The following CCDC197 variants were observed in gnomAD, a reference collection of about 807,000 sequenced individuals.
The protein encoded by CCDC197 is coiled-coil domain containing 197.
A neutral mutation model predicts 13.4 loss-of-function variants in CCDC197; 24 were observed. The observed-to-expected ratio is 1.80, with a 90% CI of 1.30 to 2.53. CCDC197 has a LOEUF of 2.53. CCDC197 is among the 30% of genes most tolerant of loss of function. The pLI, the probability that CCDC197 is intolerant of heterozygous loss-of-function variation, is 0.00. For missense variants in CCDC197, 255 were observed against 148.8 expected, an observed-to-expected ratio of 1.71 and a Z score of -3.71; for synonymous variants, 99 against 55.5, an observed-to-expected ratio of 1.78 and a Z score of -3.48.
intron 1 of CCDC197, among the ~76,000 whole-genome samples, chr14:93,991,477 C>T (rs960212573): frequency 1.3e-5 from 2 of 152,190 alleles, no homozygotes; most frequent in East Asian, 1.9e-4. Context: ...GTGCGAGAAT[C>T]GTGACTCAAA....
intron 6 of CCDC197, among the ~76,000 whole-genome samples, chr14:94,005,505 G>A (rs1020840685): frequency 3.9e-5 from 6 of 151,994 alleles, no homozygotes; most frequent in East Asian, 1.9e-4. Flanking sequence ...TTTCCTCACC[G>A]CCCCCATCAG....
Position 94,002,428 on chromosome 14 carries a change from ACAG to A in CCDC197, c.367-794_367-792del, listed in dbSNP as rs1890549245. On this transcript the variant is annotated intron_variant, in intron 4 of 6. Coordinates refer to ENST00000636493, the MANE Select transcript of CCDC197 (RefSeq NM_001351596.2). Reference sequence around the variant, plus strand: ...CTCTGCCTTCCGAGTAGCTGGGATTACAGGCGTGTGCCACCACACCTGGCCTGT... The same window carrying A: ...CTCTGCCTTCCGAGTAGCTGGGATTAGCGTGTGCCACCACACCTGGCCTGT... Among the ~76,000 whole-genome samples, 2 of 152,100 alleles carry A rather than the reference ACAG, an allele frequency of 1.3e-5. 1 individual carries two copies. The highest frequency in any genetic ancestry group is 1.3e-4 in the Admixed American group (2 of 15,268).
chr14:93,992,073 G>A lies in CCDC197; in HGVS notation c.-107+4677G>A, dbSNP rs149022253. Among the ~76,000 whole-genome samples, 82 of 152,346 alleles carry A rather than the reference G, an allele frequency of 5.4e-4. 1 individual carries two copies. The East Asian group carries it at 0.012, about 23-fold the overall frequency. On this transcript the variant is annotated intron_variant, in intron 1 of 7. Transcript: ENST00000640978. ...TAGCTTGAAATCAGCCATGGCGGGC[G>A]GATTGACACCACAGAAACTGATGAA... is the stretch of plus-strand genomic sequence containing the variant.
chr14:93,988,095 A>C (rs1280406449), intron 1 of CCDC197, among the ~76,000 whole-genome samples: 1 of 16,246 alleles, frequency 6.2e-5, no homozygotes. Flanking sequence ...GATGGGAGGA[A>C]GGGGGTGGAA....
At chr14:93,993,474 G>T (rs1006792342), upstream of CCDC197, among the ~76,000 whole-genome samples, 2 of 152,208 alleles carry the variant, frequency 1.3e-5, no homozygotes, top group African/African-American at 4.8e-5. Flanking sequence ...TGCCTTTCAG[G>T]AAACTGAAAC....
At chr14:94,011,363 G>A (rs8010725), downstream of CCDC197, among the ~76,000 whole-genome samples, 17,305 of 152,252 alleles carry the variant, frequency 0.11, 1,089 homozygotes, top group Middle Eastern at 0.2. Context: ...GGGGAGGAGC[G>A]GGATTGGAAC....
chr14:94,007,176 G>T (rs1027963382), intron 6 of CCDC197: 2 of 152,200 alleles, frequency 1.3e-5, no homozygotes, highest in African/African-American at 4.8e-5. Flanking sequence ...TCCTTTAGGA[G>T]TCATATCTAA....
rs770642197 is a variant in CCDC197 at position 94,003,354 on chromosome 14, T to C, written c.498T>C (p.Asn166=). The change falls in exon 5 of 7, where the codon AAT becomes AAC. Residue 166 remains asparagine (N), a splice_region_variant and synonymous_variant. Coordinates refer to ENST00000636493, the MANE Select transcript of CCDC197 (RefSeq NM_001351596.2). This position sits in a 1 kb window ranked among gnomAD's most constrained non-coding sequence, Gnocchi z 5.0. ...DFDTHTSSSY[N]DQLLGYMQMT... ...ACACACACACCAGCAGCAGCTATAA[T>C]GTGAGTCCAGTCTTTCAGCCTGGGG... 1 of 741,324 alleles carries C rather than the reference T, an allele frequency of 1.3e-6. No homozygotes were observed. The highest frequency in any genetic ancestry group is 2.5e-6 in the Non-Finnish European group (1 of 397,364). 45.9% of individuals were successfully genotyped at this position (741,324 alleles called of 1,614,324 possible). A position where few individuals can be genotyped will look rare whatever the true frequency, so the allele number is the denominator to read the frequency against.
chr14:93,995,244 T>C (rs1890259523), upstream of CCDC197, among the ~76,000 whole-genome samples: 1 of 152,208 alleles, frequency 6.6e-6, no homozygotes, highest in Non-Finnish European at 1.5e-5. Flanking sequence ...GGCTGCTTTC[T>C]GAACCAGCTT....
chr14:93,994,928 C>T (rs541950666), upstream of CCDC197, among the ~76,000 whole-genome samples: 3 of 152,312 alleles, frequency 2.0e-5, no homozygotes, highest in Admixed American at 6.5e-5. Flanking sequence ...CCTAACCACT[C>T]AACCTCCCAG....
chr14:93,993,336 A>G (rs1890239221), upstream of CCDC197, among the ~76,000 whole-genome samples: 3 of 152,188 alleles, frequency 2.0e-5, no homozygotes, highest in South Asian at 6.2e-4. Flanking sequence ...CTAAGACATA[A>G]AATGTTCGTT....
intron 4 of CCDC197, among the ~76,000 whole-genome samples, chr14:94,002,079 C>A (rs984270717): frequency 6.6e-6 from 1 of 152,174 alleles, no homozygotes; most frequent in Non-Finnish European, 1.5e-5. Context: ...TTAAATATCA[C>A]GCCAGCACCT....
Position 93,989,783 on chromosome 14 carries a change from T to C in CCDC197, c.-107+2387T>C, listed in dbSNP as rs529529021. Among the ~76,000 whole-genome samples the C allele has an allele frequency of 1.1e-4, 16 of 152,194 alleles. No homozygotes were observed. The South Asian group carries it at 3.3e-3, about 32-fold the overall frequency. ...AGAAGCCTGGGAGGGCTCCACTGGGTTCTTTTCTTTGGGTCCCATTAGGCT... is the reference window on the plus strand; with the variant it reads ...AGAAGCCTGGGAGGGCTCCACTGGGCTCTTTTCTTTGGGTCCCATTAGGCT... On this transcript the variant is annotated intron_variant, in intron 1 of 7. Coordinates refer to the CCDC197 transcript ENST00000640978.
Position 93,997,977 on chromosome 14 carries a change from C to A in CCDC197, c.-133-22C>A, listed in dbSNP as rs1467493109. ...AAGCTGCTCACAGCCCCTTTCTGAACCTCTGTCTCCTTTTCTGTGAGGTGG... is the reference window on the plus strand; with the variant it reads ...AAGCTGCTCACAGCCCCTTTCTGAAACTCTGTCTCCTTTTCTGTGAGGTGG... On this transcript the variant is annotated intron_variant, in intron 1 of 6. Transcript: ENST00000636493. 2.2e-5 allele frequency: 14 copies of A among 623,798 alleles called. No individual in the cohort carries two copies. In the East Asian group the frequency reaches 3.3e-4, roughly 15 times the overall value. 38.6% of individuals were successfully genotyped at this position (623,798 alleles called of 1,614,324 possible). A position where few individuals can be genotyped will look rare whatever the true frequency, so the allele number is the denominator to read the frequency against.
intron 1 of CCDC197, among the ~76,000 whole-genome samples, chr14:93,990,818 C>T (rs938931237): frequency 6.6e-6 from 1 of 152,204 alleles, no homozygotes; most frequent in African/African-American, 2.4e-5. Context: ...ATAATAGTGA[C>T]AATAGTGATG....
intron 1 of CCDC197, among the ~76,000 whole-genome samples, chr14:93,991,481 A>T (rs1176465781): frequency 1.3e-5 from 2 of 152,070 alleles, no homozygotes; most frequent in Non-Finnish European, 2.9e-5. Flanking sequence ...GAGAATCGTG[A>T]CTCAAACCCA....
At chr14:94,010,661 T>G (rs1443083853), downstream of CCDC197, among the ~76,000 whole-genome samples, 1 of 151,972 alleles carries the variant, frequency 6.6e-6, no homozygotes. Context: ...AACGCCGGAG[T>G]AGGGACTTGC....
chr14:94,008,629 G>T lies in CCDC197; in HGVS notation c.636G>T (p.Met212Ile), dbSNP rs745515032. The change falls in exon 7 of 7, where the codon ATG becomes ATT. Residue 212 changes from methionine to isoleucine, a missense_variant. Met to Ile is a conservative substitution (Grantham distance 10). Transcript: ENST00000636493. ...CCCAGGAGTTCATGTTGGACAAAATGGAGACTGTAAGACTGATCGCACTGC... is the reference window on the plus strand; with the variant it reads ...CCCAGGAGTTCATGTTGGACAAAATTGAGACTGTAAGACTGATCGCACTGC... Reference protein sequence around the residue: ...DLIKEFMLDKMETVRLIALLT... With the variant: ...DLIKEFMLDKIETVRLIALLT... 7.1e-6 allele frequency: 5 copies of T among 702,594 alleles called. No homozygotes were observed. The highest frequency in any genetic ancestry group is 2.3e-4 in the Middle Eastern group (1 of 4,366). 43.5% of individuals were successfully genotyped at this position (702,594 alleles called of 1,614,324 possible).
chr14:94,001,651 A>G, intron 4 of CCDC197: 1 of 229,504 alleles, frequency 4.4e-6, no homozygotes, highest in Non-Finnish European at 8.5e-6. Context: ...CAGTTTCTGC[A>G]TCTGTCAAGT....
Sources: gnomAD v4.1 joint callset for allele counts (sites outside exome capture counted in the v4.1 genomes callset) on GRCh38, gnomAD v4.1.1 for gene constraint, Gnocchi (gnomAD v3.1) non-coding constraint, MANE v1.5 for transcripts, NCBI Gene and HGNC (gene_info 2026-07-23, HGNC 2026-07-21) for gene names.